CNTROB: variants seen among roughly 807,000 people sequenced by gnomAD.
CNTROB encodes the protein centrobin, centriole duplication and spindle assembly protein, also known as centrobin.
In CNTROB, 82 loss-of-function variants were observed where a neutral mutation model predicts 115.7. The observed-to-expected ratio is 0.71, with a 90% CI of 0.59 to 0.85. CNTROB has a LOEUF of 0.85. CNTROB is among the 40% of genes least tolerant of loss of function. CNTROB has a pLI of 0.00. For synonymous variants in CNTROB, 439 were observed against 456.4 expected (o/e 0.96, Z 0.49); for missense variants, 1,014 against 1,144.4 (o/e 0.89, Z 1.64).
intron 13 of CNTROB, among the ~76,000 whole-genome samples, chr17:7,946,214 G>T (rs1368616928): frequency 6.6e-6 from 1 of 152,222 alleles, no homozygotes; most frequent in Non-Finnish European, 1.5e-5. Flanking sequence ...TGGGAACGGG[G>T]TACTATCAGG....
rs370186241 is a variant in CNTROB at position 7,935,009 on chromosome 17, T to C, written c.458T>C (p.Leu153Ser). The change falls in exon 4 of 19, where the codon TTG becomes TCG. Residue 153 changes from leucine to serine, a missense_variant. Leu to Ser is a moderately radical substitution (Grantham distance 145). Coordinates refer to ENST00000563694, the MANE Select transcript of CNTROB (RefSeq NM_053051.5). ...TLLNTRPLQD[L>S]SPSSSAQALE... ...CTCAGCACCCGGCCCCTGCAAGACT[T>C]GTCTCCATCTAGCTCAGCCCAAGCC... The C allele has an allele frequency of 5.2e-5, 84 of 1,604,730 alleles. No individual in the cohort carries two copies. Among genetic ancestry groups the C allele is most frequent in the Non-Finnish European group, 6.8e-5 (80 of 1,174,666 alleles).
Position 7,948,575 on chromosome 17 carries a change from T to A in CNTROB, c.2469T>A (p.Pro823=). ...LYQARGWGAL[P]AEDLLLYLKR... Reference sequence around the variant, plus strand: ...AGGCTCGGGGCTGGGGGGCTCTGCCTGCTGAGGATCTCCTGCTCTACCTGA... The same window carrying A: ...AGGCTCGGGGCTGGGGGGCTCTGCCAGCTGAGGATCTCCTGCTCTACCTGA... The change falls in exon 17 of 19, where the codon CCT becomes CCA. Residue 823 remains proline, a synonymous_variant. Coordinates refer to ENST00000563694, the MANE Select transcript of CNTROB (RefSeq NM_053051.5). The surrounding 1 kb of genome is among the most constrained non-coding windows in gnomAD (Gnocchi z 4.4). 6.2e-7 allele frequency: 1 copy of A among 1,614,178 alleles called. No individual in the cohort carries two copies. Among genetic ancestry groups the A allele is most frequent in the Non-Finnish European group, 8.5e-7 (1 of 1,180,034 alleles).
At chr17:7,946,733 G>A (rs1974573771) in intron 13 of CNTROB, among the ~76,000 whole-genome samples, 1 of 152,014 alleles carries the variant, frequency 6.6e-6, no homozygotes, top group Admixed American at 6.6e-5. Context: ...AGGATGTGGT[G>A]GCACACACCC....
chr17:7,947,140 G>C (rs534600162), intron 13 of CNTROB, among the ~76,000 whole-genome samples: 2 of 144,982 alleles, frequency 1.4e-5, no homozygotes, highest in Admixed American at 1.4e-4. Context: ...CAGCCTGGGC[G>C]ACAGAGCGAG....
Position 7,936,807 on chromosome 17 carries a change from A to G in CNTROB, c.818A>G (p.Lys273Arg), listed in dbSNP as rs1460159882. The change falls in exon 6 of 19, where the codon AAG becomes AGG. Residue 273 changes from lysine to arginine, a missense_variant. Transcript: ENST00000563694. The part of the protein sequence containing the change: ...EHQAAELTRS[K>R]QQETVTRLEQ... ...CAGGCAGCAGAGCTCACCAGAAGCA[A>G]GCAGCAGGAGGTGAGCGCCCTGGAG... 4 of 1,350,020 alleles carry G rather than the reference A, an allele frequency of 3.0e-6. No homozygotes were observed. The highest frequency in any genetic ancestry group is 1.7e-5 in the Admixed American group (1 of 59,714). 83.6% of individuals were successfully genotyped at this position (1,350,020 alleles called of 1,614,324 possible).
rs1974887617 is a variant in CNTROB, at chr17:7,948,971, A to G, written c.2514-114A>G. Reference sequence around the variant, plus strand: ...CTCCTCCCAGTTGATGCCCAGGTCTATCGAGTTTGATCTTATTCTTAAGAG... The same window carrying G: ...CTCCTCCCAGTTGATGCCCAGGTCTGTCGAGTTTGATCTTATTCTTAAGAG... On this transcript the variant is annotated intron_variant, in intron 17 of 18. Transcript: ENST00000563694. The surrounding 1 kb of genome is among the most constrained non-coding windows in gnomAD (Gnocchi z 4.4). The G allele has an allele frequency of 1.3e-6, 2 of 1,590,618 alleles. No individual in the cohort carries two copies. The highest frequency in any genetic ancestry group is 1.3e-5 in the African/African-American group (1 of 74,646).
chr17:7,949,067 C>T lies in CNTROB; in HGVS notation c.2514-18C>T, dbSNP rs773352716. On this transcript the variant is annotated intron_variant, in intron 17 of 18. Transcript: ENST00000563694. Reference sequence around the variant, plus strand: ...GGGACGGAGATCCCCATCCTCATACCTTTGATTTGTGTAGCAGGACTGATG... The same window carrying T: ...GGGACGGAGATCCCCATCCTCATACTTTTGATTTGTGTAGCAGGACTGATG... 13 of 1,613,740 alleles carry T rather than the reference C, an allele frequency of 8.1e-6. No homozygotes were observed. The highest frequency in any genetic ancestry group is 1.1e-5 in the Non-Finnish European group (13 of 1,179,812).
In CNTROB at chr17:7,948,257, T is replaced by C; in HGVS notation, c.2310T>C (p.Leu770=). 6.2e-7 allele frequency: 1 copy of C among 1,614,172 alleles called. No individual in the cohort carries two copies. Among genetic ancestry groups the C allele is most frequent in the East Asian group, 2.2e-5 (1 of 44,890 alleles). The part of the protein sequence containing the change: ...TKVPLAMASS[L]FRVPEPPSSH... ...TTCCCTTAGCCATGGCATCCAGTCTTTTCCGGGTCCCTGAGCCTCCCTCCT... is the reference window on the plus strand; with the variant it reads ...TTCCCTTAGCCATGGCATCCAGTCTCTTCCGGGTCCCTGAGCCTCCCTCCT... The change falls in exon 16 of 19, where the codon CTT becomes CTC. Residue 770 remains leucine (L), a synonymous_variant. Coordinates refer to ENST00000563694, the MANE Select transcript of CNTROB (RefSeq NM_053051.5). The surrounding 1 kb of genome is among the most constrained non-coding windows in gnomAD (Gnocchi z 4.4).
rs1343707553 is a variant in CNTROB at position 7,948,832 on chromosome 17, C to A, written c.2513+213C>A. 4 of 1,461,788 alleles carry A rather than the reference C, an allele frequency of 2.7e-6. No individual in the cohort carries two copies. Among genetic ancestry groups the A allele is most frequent in the Admixed American group, 2.7e-5 (1 of 37,110 alleles). 90.6% of individuals were successfully genotyped at this position (1,461,788 alleles called of 1,614,324 possible). On this transcript the variant is annotated intron_variant, in intron 17 of 18. Transcript: ENST00000563694. This position sits in a 1 kb window ranked among gnomAD's most constrained non-coding sequence, Gnocchi z 4.4. ...GCTTTTTTCTTCTAAACAAAAAAAT[C>A]TTTTCCCCGGGTCTCTCTACCTTCG...
chr17:7,935,685 T>C (rs1973088612), intron 4 of CNTROB: 1 of 162,844 alleles, frequency 6.1e-6, no homozygotes, highest in Non-Finnish European at 1.4e-5. Flanking sequence ...ATCTTGTTTT[T>C]TTCTCCTCTC....
intron 6 of CNTROB, 111 bp downstream of exon 6, chr17:7,936,928 T>C (rs1973253044): frequency 1.3e-6 from 1 of 754,592 alleles, no homozygotes. Flanking sequence ...CTCAGTCTTG[T>C]AGTGGCTGTC....
At position 7,944,716 on chromosome 17, in the gene CNTROB, T is replaced by TG; in HGVS notation, c.1734+79dup. ...TATTTTTGAGACAGGGTCTCACTCT[T>TG]GCCCAGGCTGGAGTGTACTGGTGAG... On this transcript the variant is annotated intron_variant, in intron 12 of 18. Transcript: ENST00000563694. This position sits in a 1 kb window ranked among gnomAD's most constrained non-coding sequence, Gnocchi z 4.0. 6.6e-7 allele frequency: 1 copy of TG among 1,511,636 alleles called. No homozygotes were observed. Among genetic ancestry groups the TG allele is most frequent in the Non-Finnish European group, 8.9e-7 (1 of 1,121,590 alleles). The allele number at this position is 1,511,636 out of a possible 1,614,324, so 93.6% of individuals were successfully genotyped here. A position where few individuals can be genotyped will look rare whatever the true frequency, so the allele number is the denominator to read the frequency against.
rs1457539059 is a variant in CNTROB at position 7,939,669 on chromosome 17, TG to T, written c.1087del (p.Ala363ProfsTer71). On this transcript the variant is annotated frameshift_variant, in exon 8 of 19. Transcript: ENST00000563694. LOFTEE classifies it high-confidence loss of function. The surrounding 1 kb of genome is among the most constrained non-coding windows in gnomAD (Gnocchi z 4.4). ...RAALEEERQTWAQQEHQLKEH... is the reference protein window; with the variant it reads ...RAALEEERQTXAQQEHQLKEH... ...TGCCCTAGAAGAAGAACGGCAGACC[TG>T]GGCCCAGCAAGAGCACCAGCTTAAG... 1.2e-6 allele frequency: 2 copies of T among 1,613,990 alleles called. No individual in the cohort carries two copies. Among genetic ancestry groups the T allele is most frequent in the Non-Finnish European group, 1.7e-6 (2 of 1,180,002 alleles).
intron 9 of CNTROB, among the ~76,000 whole-genome samples, chr17:7,941,467 T>C (rs949580492): frequency 6.6e-6 from 1 of 151,514 alleles, no homozygotes; most frequent in Admixed American, 6.6e-5. Flanking sequence ...AGGTGTATGG[T>C]GCACACCTGT....
At chr17:7,942,046 T>C (rs1415123265) in intron 9 of CNTROB, among the ~76,000 whole-genome samples, 1 of 151,132 alleles carries the variant, frequency 6.6e-6, no homozygotes, top group Non-Finnish European at 1.5e-5. Context: ...GTGGGAGGAT[T>C]GCTTGAGTCC....
Position 7,943,600 on chromosome 17 carries a change from A to C in CNTROB, c.1445+76A>C. The C allele has an allele frequency of 6.7e-7, 1 of 1,486,356 alleles. No homozygotes were observed. Among genetic ancestry groups the C allele is most frequent in the South Asian group, 1.3e-5 (1 of 77,504 alleles). The allele number at this position is 1,486,356 out of a possible 1,614,324, so 92.1% of individuals were successfully genotyped here. On this transcript the variant is annotated intron_variant, in intron 10 of 18. Transcript: ENST00000563694. This position sits in a 1 kb window ranked among gnomAD's most constrained non-coding sequence, Gnocchi z 4.7. ...TAGTGCCAGGCCTGTGTTCCCTTCA[A>C]TCCCTTTGCCATGGTCCAGCACTGT...
chr17:7,941,660 G>A (rs1225508590), intron 9 of CNTROB, among the ~76,000 whole-genome samples: 1 of 149,834 alleles, frequency 6.7e-6, no homozygotes. Flanking sequence ...GATCACATGC[G>A]ATAAAGACTA....
chr17:7,934,357 G>C, intron 2 of CNTROB, 108 bp from the exon 3 acceptor site: 1 of 1,317,126 alleles, frequency 7.6e-7, no homozygotes, highest in Non-Finnish European at 1.1e-6. Flanking sequence ...CTTTGGGAGA[G>C]GGGGTGAAGG....
rs71159534 is a variant in CNTROB, at chr17:7,942,787, A to ATTTTTTT, written c.1312-578_1312-572dup. 6.1e-4 allele frequency among the ~76,000 whole-genome samples: 22 copies of ATTTTTTT among 35,790 alleles called. 4 individuals carry two copies. Among genetic ancestry groups the ATTTTTTT allele is most frequent in the Non-Finnish European group, 7.5e-4 (15 of 19,982 alleles). 23.5% of individuals were successfully genotyped at this position (35,790 alleles called of 152,430 possible). A position where few individuals can be genotyped will look rare whatever the true frequency, so the allele number is the denominator to read the frequency against. ...GGCTTTCAGGTACTCTACTCAGGGTATTTTTTTTTTTTTTTTTTTTTTTTT... is the reference window on the plus strand; with the variant it reads ...GGCTTTCAGGTACTCTACTCAGGGTATTTTTTTTTTTTTTTTTTTTTTTTTTTTTTTT... On this transcript the variant is annotated intron_variant, in intron 9 of 18. Transcript: ENST00000563694.
Sources: gnomAD v4.1 joint callset for allele counts (sites outside exome capture counted in the v4.1 genomes callset) on GRCh38, gnomAD v4.1.1 for gene constraint, Gnocchi (gnomAD v3.1) non-coding constraint, MANE v1.5 for transcripts, NCBI Gene and HGNC (gene_info 2026-07-23, HGNC 2026-07-21) for gene names.